Variants in VAT1L observed in about 807,000 individuals in gnomAD.
The protein encoded by VAT1L is putative NADPH-dependent quinone oxidoreductase VAT1L.
VAT1L carries 34 observed loss-of-function variants against 44.1 expected under a neutral mutation model. The ratio of observed to expected loss-of-function variants is 0.77; its 90% CI spans 0.59 to 1.03. The LOEUF is 1.03. Among genes scored for constraint, VAT1L ranks in the 50% least tolerant of loss-of-function variants. VAT1L has a pLI of 0.00. For synonymous variants in VAT1L, 253 were observed against 202.2 expected (o/e 1.25, Z -2.13); for missense variants, 615 against 538.8 (o/e 1.14, Z -1.40).
In VAT1L at chr16:77,884,709, G is replaced by T. The variant is rs760620873; in HGVS notation, c.984G>T (p.Ala328=). The change falls in exon 7 of 9, where the codon GCG becomes GCT. Residue 328 remains alanine (A), a synonymous_variant. Transcript: ENST00000302536. This position sits in a 1 kb window ranked among gnomAD's most constrained non-coding sequence, Gnocchi z 4.5. ...ATCTGCTCTTCAAACAAGGCCGGGC[G>T]GGCCTCATTCGGGGAGTGGTGGAAA... ...LLNLLFKQGR[A]GLIRGVVEKL... The T allele has an allele frequency of 6.2e-7, 1 of 1,610,802 alleles. No homozygotes were observed. Among genetic ancestry groups the T allele is most frequent in the Non-Finnish European group, 8.5e-7 (1 of 1,178,520 alleles).
At chr16:77,823,223 C>A (rs2016480685) in intron 2 of VAT1L, among the ~76,000 whole-genome samples, 3 of 151,886 alleles carry the variant, frequency 2.0e-5, no homozygotes, top group African/African-American at 7.3e-5. Flanking sequence ...CCACCATTCC[C>A]ACACCCAAAA....
chr16:77,809,606 ATG>A (rs1349566227), intron 1 of VAT1L, among the ~76,000 whole-genome samples: 87 of 152,230 alleles, frequency 5.7e-4, no homozygotes, highest in Non-Finnish European at 1.1e-3. Flanking sequence ...AAATGTCATG[ATG>A]ATCCTGACTT....
rs2015768984 is a variant in VAT1L, at chr16:77,788,597, G to C, written c.-86G>C. On this transcript the variant is annotated 5_prime_UTR_variant, in exon 1 of 9. Coordinates refer to ENST00000302536, the MANE Select transcript of VAT1L (RefSeq NM_020927.3). ...GCCGAGCATCCCACATTCAACAGGA[G>C]GAACCCGCGGGAGAGGAGCCCCACT... is the stretch of plus-strand genomic sequence containing the variant. 2 of 1,462,476 alleles carry C rather than the reference G, an allele frequency of 1.4e-6. No homozygotes were observed. Among genetic ancestry groups the C allele is most frequent in the Admixed American group, 4.2e-5 (2 of 47,786 alleles). 90.6% of individuals were successfully genotyped at this position (1,462,476 alleles called of 1,614,324 possible).
At chr16:77,922,798 C>T (rs778679097) in intron 7 of VAT1L, among the ~76,000 whole-genome samples, 3 of 152,178 alleles carry the variant, frequency 2.0e-5, no homozygotes, top group Non-Finnish European at 4.4e-5. Context: ...CCCCATGGAG[C>T]CAGGATTTAA....
At chr16:77,946,526 C>T (rs2017969146) in intron 7 of VAT1L, among the ~76,000 whole-genome samples, 1 of 152,016 alleles carries the variant, frequency 6.6e-6, no homozygotes, top group Admixed American at 6.5e-5. Flanking sequence ...TCGTGATCTG[C>T]CCGCCTCAGC....
chr16:77,802,615 AACACACACACACACAC>A (rs57906062), intron 1 of VAT1L, among the ~76,000 whole-genome samples: 3,476 of 112,006 alleles, frequency 0.031, 60 homozygotes, highest in Non-Finnish European at 0.04. Context: ...CCCCATCTCA[AACACACACACACACAC>A]ACACACACAC....
chr16:77,812,760 T>C (rs978552926), intron 1 of VAT1L, among the ~76,000 whole-genome samples: 1 of 152,222 alleles, frequency 6.6e-6, no homozygotes, highest in Non-Finnish European at 1.5e-5. Flanking sequence ...ATTCTAACTG[T>C]TGAGCTTTTC....
intron 4 of VAT1L, among the ~76,000 whole-genome samples, chr16:77,875,897 A>C (rs1011689647): frequency 6.6e-6 from 1 of 152,206 alleles, no homozygotes; most frequent in Non-Finnish European, 1.5e-5. Context: ...CAGGGAGAAC[A>C]CTGGTTTGGT....
chr16:77,919,898 G>C (rs1270319568), intron 7 of VAT1L, among the ~76,000 whole-genome samples: 1 of 152,074 alleles, frequency 6.6e-6, no homozygotes, highest in Non-Finnish European at 1.5e-5. Context: ...GGCCAGCCTG[G>C]CTAACATGTG....
chr16:77,977,593 A>G lies in VAT1L; in HGVS notation c.1162-4A>G. 2 of 1,613,836 alleles carry G rather than the reference A, an allele frequency of 1.2e-6. No homozygotes were observed. Among genetic ancestry groups the G allele is most frequent in the East Asian group, 4.5e-5 (2 of 44,848 alleles). On this transcript the variant is annotated splice_region_variant and splice_polypyrimidine_tract_variant and intron_variant, in intron 8 of 8. Coordinates refer to ENST00000302536, the MANE Select transcript of VAT1L (RefSeq NM_020927.3). ...CCTCAATAACATCCTCTTTTGAATT[A>G]CAGATGGCCAATGACAGCACAGAGA...
intron 7 of VAT1L, among the ~76,000 whole-genome samples, chr16:77,912,565 T>G (rs1567506453): frequency 6.6e-6 from 1 of 152,124 alleles, no homozygotes; most frequent in African/African-American, 2.4e-5. Context: ...ATGTTTATTA[T>G]TATTATTTTT....
At chr16:77,940,402 G>A (rs554853350) in intron 7 of VAT1L, among the ~76,000 whole-genome samples, 34 of 140,444 alleles carry the variant, frequency 2.4e-4, no homozygotes, top group African/African-American at 4.8e-4. Flanking sequence ...GAATTGCAGC[G>A]GCACAGTCTT....
chr16:77,908,889 G>A (rs2017469447), intron 7 of VAT1L, among the ~76,000 whole-genome samples: 1 of 152,144 alleles, frequency 6.6e-6, no homozygotes, highest in Admixed American at 6.6e-5. Context: ...ACTCCAGCCT[G>A]GGCGACAGAG....
chr16:77,926,393 G>A (rs1324411082), intron 7 of VAT1L, among the ~76,000 whole-genome samples: 1 of 151,884 alleles, frequency 6.6e-6, no homozygotes, highest in Non-Finnish European at 1.5e-5. Context: ...AAACCAGCCT[G>A]GCCAACATGG....
intron 4 of VAT1L, among the ~76,000 whole-genome samples, chr16:77,869,440 C>G (rs1281698957): frequency 6.6e-6 from 1 of 152,098 alleles, no homozygotes; most frequent in African/African-American, 2.4e-5. Context: ...TTTAGGAGGC[C>G]AAGGCAGGAG....
chr16:77,878,930 T>C (rs1441669811), intron 5 of VAT1L, among the ~76,000 whole-genome samples: 1 of 152,222 alleles, frequency 6.6e-6, no homozygotes, highest in African/African-American at 2.4e-5. Flanking sequence ...ATGCCAAATT[T>C]TGCAAAGTAA....
At chr16:77,921,991 T>C (rs1273950653) in intron 7 of VAT1L, among the ~76,000 whole-genome samples, 1 of 152,144 alleles carries the variant, frequency 6.6e-6, no homozygotes, top group Admixed American at 6.5e-5. Context: ...CAAGCAATTC[T>C]CTTGCCTCAG....
In VAT1L at chr16:77,854,242, C is replaced by A. The variant is rs548144831; in HGVS notation, c.580-8506C>A. Among the ~76,000 whole-genome samples the A allele has an allele frequency of 3.3e-5, 5 of 152,294 alleles. No individual in the cohort carries two copies. The East Asian group carries it at 9.6e-4, about 29-fold the overall frequency. Reference sequence around the variant, plus strand: ...TATCTCAGCCATGCACCCCTGTAACCTCCTGCCATTGAAATTCTCGGCACC... The same window carrying A: ...TATCTCAGCCATGCACCCCTGTAACATCCTGCCATTGAAATTCTCGGCACC... On this transcript the variant is annotated intron_variant, in intron 3 of 8. Coordinates refer to ENST00000302536, the MANE Select transcript of VAT1L (RefSeq NM_020927.3).
chr16:77,917,551 A>G (rs2017564408), intron 7 of VAT1L, among the ~76,000 whole-genome samples: 1 of 152,344 alleles, frequency 6.6e-6, no homozygotes, highest in African/African-American at 2.4e-5. Flanking sequence ...AGCTCAGAGA[A>G]TAAACCATAG....
Sources: allele counts gnomAD v4.1 joint callset (sites outside exome capture counted in the v4.1 genomes callset), GRCh38; gene constraint gnomAD v4.1.1; non-coding constraint Gnocchi (gnomAD v3.1); transcripts MANE v1.5; gene names NCBI Gene and HGNC (gene_info 2026-07-23, HGNC 2026-07-21).